WWOX: variants seen among roughly 807,000 people sequenced by gnomAD.
WWOX encodes WW domain-containing oxidoreductase.
A neutral mutation model predicts 46.2 loss-of-function variants in WWOX; 69 were observed. The observed-to-expected ratio is 1.49, with a 90% CI of 1.23 to 1.82. The LOEUF (loss-of-function observed/expected upper bound fraction) is 1.82. WWOX is among the 40% of genes most tolerant of loss of function. WWOX has a pLI of 0.00. For synonymous variants in WWOX, 359 were observed against 202.6 expected, an observed-to-expected ratio of 1.77 and a Z score of -6.56; for missense variants, 919 against 542.6, an observed-to-expected ratio of 1.69 and a Z score of -6.89.
intron 8 of WWOX, among the ~76,000 whole-genome samples, chr16:78,911,845 G>A (rs1157809986): frequency 2.0e-5 from 3 of 152,058 alleles, no homozygotes; most frequent in East Asian, 3.8e-4. Flanking sequence ...CAGCCTGGGT[G>A]ACAGAGCAGG....
At chr16:79,198,554 G>C (rs1442476623) in intron 8 of WWOX, among the ~76,000 whole-genome samples, 1 of 152,154 alleles carries the variant, frequency 6.6e-6, no homozygotes, top group Non-Finnish European at 1.5e-5. Context: ...AACCTAACTA[G>C]AGACATTAAT....
chr16:78,472,242 T>C (rs1435730450), intron 8 of WWOX, among the ~76,000 whole-genome samples: 1 of 152,076 alleles, frequency 6.6e-6, no homozygotes, highest in Admixed American at 6.5e-5. Flanking sequence ...TGTGACCTGC[T>C]GTCTTAATGA....
chr16:78,361,386 C>T (rs1418056265), intron 5 of WWOX, among the ~76,000 whole-genome samples: 1 of 152,012 alleles, frequency 6.6e-6, no homozygotes, highest in Non-Finnish European at 1.5e-5. Context: ...ATTAATTTTT[C>T]CTTTGAAATT....
At chr16:78,169,663 G>T (rs1273157735) in intron 5 of WWOX, among the ~76,000 whole-genome samples, 1 of 151,998 alleles carries the variant, frequency 6.6e-6, no homozygotes, top group Admixed American at 6.6e-5. Context: ...TAGATCCCCG[G>T]AACTTGGGAT....
At chr16:78,550,200 A>G (rs1182309528) in intron 8 of WWOX, among the ~76,000 whole-genome samples, 3 of 152,240 alleles carry the variant, frequency 2.0e-5, no homozygotes, top group Admixed American at 6.5e-5. Context: ...TCACTGGATC[A>G]TTCCATTTAT....
intron 8 of WWOX, among the ~76,000 whole-genome samples, chr16:78,843,609 A>G (rs2052218919): frequency 6.6e-6 from 1 of 151,426 alleles, no homozygotes; most frequent in African/African-American, 2.4e-5. Context: ...TAAAAATAAA[A>G]AAGCATAAAT....
intron 8 of WWOX, among the ~76,000 whole-genome samples, chr16:78,776,035 G>A (rs915060011): frequency 6.6e-6 from 1 of 152,076 alleles, no homozygotes; most frequent in African/African-American, 2.4e-5. Context: ...TTCCAAAGAT[G>A]GTCTTAAACC....
In WWOX at chr16:78,386,859, G is replaced by T. The variant is rs867163041; in HGVS notation, c.517-1G>T. 2 of 1,613,416 alleles carry T rather than the reference G, an allele frequency of 1.2e-6. No individual in the cohort carries two copies. Among genetic ancestry groups the T allele is most frequent in the Non-Finnish European group, 1.7e-6 (2 of 1,179,442 alleles). On this transcript the variant is annotated splice_acceptor_variant, in intron 5 of 8. Coordinates refer to ENST00000566780, the MANE Select transcript of WWOX (RefSeq NM_016373.4). LOFTEE classifies it high-confidence loss of function. ...TTTCTTTTTATTTTCTCTCATTGCA[G>T]CATAAAGCCAAGGTAGAAGCAATGA...
intron 5 of WWOX, chr16:78,237,333 G>C (rs2037474775): frequency 6.6e-6 from 1 of 152,162 alleles, no homozygotes; most frequent in Non-Finnish European, 1.5e-5. Flanking sequence ...TTTTGAAAGA[G>C]ACTGTTTAAA....
At chr16:78,998,022 A>C (rs551468655) in intron 8 of WWOX, among the ~76,000 whole-genome samples, 10 of 152,222 alleles carry the variant, frequency 6.6e-5, no homozygotes, top group African/African-American at 2.2e-4. Flanking sequence ...GATTACAGGC[A>C]TGCGCCACCA....
At chr16:78,790,319 G>C (rs1220417281) in intron 8 of WWOX, among the ~76,000 whole-genome samples, 2 of 151,996 alleles carry the variant, frequency 1.3e-5, no homozygotes, top group South Asian at 2.1e-4. Context: ...ATTTTCAGTA[G>C]AGATGGGGTT....
intron 8 of WWOX, among the ~76,000 whole-genome samples, chr16:78,724,321 G>C (rs1312435874): frequency 1.3e-5 from 2 of 152,102 alleles, no homozygotes; most frequent in African/African-American, 4.8e-5. Flanking sequence ...TGATTAACTT[G>C]CATAAAAAAG....
intron 8 of WWOX, among the ~76,000 whole-genome samples, chr16:79,018,998 A>T (rs545231497): frequency 8.6e-5 from 13 of 151,830 alleles, no homozygotes; most frequent in Middle Eastern, 3.4e-3. Flanking sequence ...AAAAAATTTT[A>T]AAAATTTAGC....
At chr16:78,415,820 C>A (rs187454835) in intron 6 of WWOX, among the ~76,000 whole-genome samples, 1 of 152,254 alleles carries the variant, frequency 6.6e-6, no homozygotes, top group African/African-American at 2.4e-5. Context: ...ACAACCCCCG[C>A]CCCCACCACT....
intron 8 of WWOX, among the ~76,000 whole-genome samples, chr16:79,155,771 A>T (rs921889103): frequency 6.6e-6 from 1 of 152,124 alleles, no homozygotes; most frequent in African/African-American, 2.4e-5. Flanking sequence ...AATAGAAAGG[A>T]TTATGCAAAA....
At chr16:78,226,773 A>G (rs1171644386) in intron 5 of WWOX, among the ~76,000 whole-genome samples, 1 of 152,066 alleles carries the variant, frequency 6.6e-6, no homozygotes, top group South Asian at 2.1e-4. Context: ...TTACAGGTGC[A>G]TGATAAGTGT....
intron 8 of WWOX, among the ~76,000 whole-genome samples, chr16:79,198,525 A>G (rs1350906500): frequency 1.3e-5 from 2 of 152,192 alleles, no homozygotes; most frequent in Non-Finnish European, 1.5e-5. Context: ...TAAGAGTCTC[A>G]GGTGCCCCTT....
intron 5 of WWOX, among the ~76,000 whole-genome samples, chr16:78,329,112 T>G (rs1332492991): frequency 6.6e-6 from 1 of 152,120 alleles, no homozygotes; most frequent in Admixed American, 6.5e-5. Flanking sequence ...TCACCAACCT[T>G]GGCCTCCCAA....
intron 8 of WWOX, among the ~76,000 whole-genome samples, chr16:79,192,134 G>C (rs1343094878): frequency 6.6e-6 from 1 of 152,216 alleles, no homozygotes; most frequent in East Asian, 1.9e-4. Flanking sequence ...AATATTAGGT[G>C]GGCAGGGAGC....
Sources: allele counts gnomAD v4.1 joint callset (sites outside exome capture counted in the v4.1 genomes callset), GRCh38; gene constraint gnomAD v4.1.1; transcripts MANE v1.5; gene names NCBI Gene and HGNC (gene_info 2026-07-23, HGNC 2026-07-21).